The following LARGE1 variants were observed in gnomAD, a reference collection of about 807,000 sequenced individuals.
LARGE1 encodes the protein xylosyl- and glucuronyltransferase LARGE1.
A neutral mutation model predicts 87.6 loss-of-function variants in LARGE1; 43 were observed. That is an observed-to-expected ratio of 0.49 (90% confidence interval 0.38 to 0.63). The LOEUF is 0.63. Among genes scored for constraint, LARGE1 ranks in the 30% least tolerant of loss-of-function variants. LARGE1 has a pLI of 0.00. For missense variants in LARGE1, 802 were observed against 1,000.2 expected (o/e 0.80, Z 2.67); for synonymous variants, 434 against 394.6 (o/e 1.10, Z -1.18).
intron 1 of LARGE1, among the ~76,000 whole-genome samples, chr22:33,836,561 G>T (rs1010954388): frequency 6.6e-6 from 1 of 152,072 alleles, no homozygotes; most frequent in African/African-American, 2.4e-5. Flanking sequence ...ACCCATTTAA[G>T]GTTCAATGTT....
intron 6 of LARGE1, among the ~76,000 whole-genome samples, chr22:33,439,400 C>T (rs897617545): frequency 7.9e-5 from 12 of 152,054 alleles, no homozygotes; most frequent in Non-Finnish European, 1.8e-4. Context: ...CCCCTCACCC[C>T]ATCCCTGCTG....
chr22:33,254,721 T>C (rs1927172127), intron 11 of LARGE1, among the ~76,000 whole-genome samples: 1 of 152,208 alleles, frequency 6.6e-6, no homozygotes, highest in Non-Finnish European at 1.5e-5. Flanking sequence ...AAATAATATG[T>C]AAAGCACTTA....
At chr22:33,907,228 G>A (rs981281881) in intron 1 of LARGE1, among the ~76,000 whole-genome samples, 4 of 152,190 alleles carry the variant, frequency 2.6e-5, no homozygotes, top group East Asian at 3.9e-4. Context: ...ACCTATTCAT[G>A]CAGCACTCAC....
At chr22:33,444,660 T>C (rs1197729264) in intron 6 of LARGE1, among the ~76,000 whole-genome samples, 1 of 152,240 alleles carries the variant, frequency 6.6e-6, no homozygotes, top group African/African-American at 2.4e-5. Flanking sequence ...GTATGCTGGC[T>C]TGGCATCATT....
intron 11 of LARGE1, among the ~76,000 whole-genome samples, chr22:33,175,773 T>C (rs943230209): frequency 2.0e-5 from 3 of 152,132 alleles, no homozygotes; most frequent in Non-Finnish European, 4.4e-5. Flanking sequence ...CAAGTTACCA[T>C]TGACTTTTTT....
At chr22:33,100,772 G>A in the LARGE1 span, among the ~76,000 whole-genome samples, 1 of 151,996 alleles carries the variant, frequency 6.6e-6, no homozygotes. Flanking sequence ...AGAGCTCAGA[G>A]ATTGCATCTT....
At chr22:33,773,048 C>T (rs1283283242) in intron 1 of LARGE1, among the ~76,000 whole-genome samples, 3 of 152,212 alleles carry the variant, frequency 2.0e-5, no homozygotes. Flanking sequence ...TACTGCCCCT[C>T]AGACACCCTC....
chr22:33,430,769 T>C (rs939278708), intron 7 of LARGE1, among the ~76,000 whole-genome samples: 2 of 152,204 alleles, frequency 1.3e-5, no homozygotes, highest in Admixed American at 1.3e-4. Flanking sequence ...TCTGACCCCA[T>C]CTGTGAACTC....
intron 2 of LARGE1, among the ~76,000 whole-genome samples, chr22:33,688,356 T>C (rs967743380): frequency 2.0e-5 from 3 of 152,140 alleles, no homozygotes; most frequent in Admixed American, 1.3e-4. Context: ...CACTGTTTAT[T>C]TTTTCTTTTT....
intron 11 of LARGE1, among the ~76,000 whole-genome samples, chr22:33,230,951 C>A (rs1925976513): frequency 6.6e-6 from 1 of 152,204 alleles, no homozygotes; most frequent in South Asian, 2.1e-4. Flanking sequence ...CCTATTGTAA[C>A]TTTTCCAATA....
At chr22:33,443,428 T>C (rs543341107) in intron 6 of LARGE1, among the ~76,000 whole-genome samples, 46 of 152,202 alleles carry the variant, frequency 3.0e-4, no homozygotes, top group Middle Eastern at 3.2e-3. Flanking sequence ...TGCTCCTGTC[T>C]GCACTGCCAC....
In LARGE1 at chr22:33,671,184, A is replaced by G. The variant is rs140550101; in HGVS notation, c.107-20516T>C. Among the ~76,000 whole-genome samples, 43 of 152,268 alleles carry G rather than the reference A, an allele frequency of 2.8e-4. No homozygotes were observed. In the East Asian group the frequency reaches 8.1e-3, roughly 29 times the overall value. On this transcript the variant is annotated intron_variant, in intron 2 of 14. Transcript: ENST00000397394. ...ATCCTGAGGCCAGGGGGAGCTAAAA[A>G]AGAGTTGTCCTCTAAACCTCCCTGC... is the stretch of plus-strand genomic sequence containing the variant.
chr22:33,913,604 C>T (rs929870029), intron 1 of LARGE1, among the ~76,000 whole-genome samples: 1 of 152,020 alleles, frequency 6.6e-6, no homozygotes, highest in African/African-American at 2.4e-5. Context: ...AGTGCAGTGG[C>T]GGCATCTCAA....
At chr22:33,187,958 A>T (rs4441570) in intron 11 of LARGE1, among the ~76,000 whole-genome samples, 1 of 107,494 alleles carries the variant, frequency 9.3e-6, no homozygotes, top group Non-Finnish European at 1.8e-5. Context: ...AAAAAAAAAA[A>T]AATCACTAAG....
In LARGE1 at chr22:33,908,729, G is replaced by A. The variant is rs528450198; in HGVS notation, c.-83+11266C>T. ...GATTAAAAATAAAGACTTGCTGTCTGTAAGGGATTGGATTATCCTATTTGA... is the reference window on the plus strand; with the variant it reads ...GATTAAAAATAAAGACTTGCTGTCTATAAGGGATTGGATTATCCTATTTGA... On this transcript the variant is annotated intron_variant, in intron 1 of 14. Coordinates refer to ENST00000397394, the MANE Select transcript of LARGE1 (RefSeq NM_133642.5). 3.9e-5 allele frequency among the ~76,000 whole-genome samples: 6 copies of A among 152,316 alleles called. No individual in the cohort carries two copies. The South Asian group carries it at 1.0e-3, about 26-fold the overall frequency.
At chr22:33,807,800 TA>T (rs2146137000) in intron 1 of LARGE1, among the ~76,000 whole-genome samples, 1 of 152,330 alleles carries the variant, frequency 6.6e-6, no homozygotes, top group South Asian at 2.1e-4. Flanking sequence ...CATATGTATT[TA>T]AATTTCTTCC....
At chr22:33,853,553 C>T (rs1395134051) in intron 1 of LARGE1, among the ~76,000 whole-genome samples, 1 of 152,184 alleles carries the variant, frequency 6.6e-6, no homozygotes, top group African/African-American at 2.4e-5. Flanking sequence ...CTCTATTATG[C>T]AAAACACCAC....
intron 5 of LARGE1, among the ~76,000 whole-genome samples, chr22:33,585,776 G>C (rs1281936478): frequency 6.6e-6 from 1 of 152,208 alleles, no homozygotes; most frequent in East Asian, 1.9e-4. Flanking sequence ...AATGCAGGGA[G>C]GAATCACTGT....
chr22:33,834,733 T>G (rs1479344726), intron 1 of LARGE1, among the ~76,000 whole-genome samples: 1 of 152,226 alleles, frequency 6.6e-6, no homozygotes, highest in Non-Finnish European at 1.5e-5. Context: ...GCAAGTTTTC[T>G]TTATCATCCC....
Sources: allele counts gnomAD v4.1 joint callset (sites outside exome capture counted in the v4.1 genomes callset), GRCh38; gene constraint gnomAD v4.1.1; transcripts MANE v1.5; gene names NCBI Gene and HGNC (gene_info 2026-07-23, HGNC 2026-07-21).